MYOF: variants seen among roughly 807,000 people sequenced by gnomAD.
MYOF encodes fer-1-like 3, myoferlin.
MYOF carries 244 observed loss-of-function variants against 284.2 expected under a neutral mutation model. The observed-to-expected ratio is 0.86, with a 90% CI of 0.77 to 0.95. MYOF has a LOEUF of 0.95. MYOF is among the 40% of genes least tolerant of loss of function. The probability of loss-of-function intolerance (pLI) is 0.00; values close to 1 mark genes in which losing one functional copy is unlikely to be tolerated. For synonymous variants in MYOF, 904 were observed against 919.7 expected (o/e 0.98, Z 0.31); for missense variants, 2,496 against 2,560.6 (o/e 0.97, Z 0.54).
chr10:93,380,849 C>T (rs971291372), intron 20 of MYOF, among the ~76,000 whole-genome samples: 1 of 152,112 alleles, frequency 6.6e-6, no homozygotes, highest in African/African-American at 2.4e-5. Flanking sequence ...ATCCAGAGTC[C>T]CATTCATTTT....
intron 51 of MYOF, among the ~76,000 whole-genome samples, chr10:93,310,881 G>A (rs574827415): frequency 1.3e-5 from 2 of 152,028 alleles, no homozygotes; most frequent in Admixed American, 6.6e-5. Flanking sequence ...TTCATTTTCT[G>A]TATCCCCCTC....
chr10:93,443,570 T>G (rs1214374377), intron 3 of MYOF, among the ~76,000 whole-genome samples: 1 of 151,638 alleles, frequency 6.6e-6, no homozygotes, highest in Admixed American at 6.6e-5. Context: ...ATCTCTAGAC[T>G]CCCACCTGCA....
chr10:93,482,087 A>G lies in MYOF; in HGVS notation c.88+20T>C. On this transcript the variant is annotated intron_variant, in intron 1 of 53. Transcript: ENST00000359263. ...CATTCCAAAACAGGACTTCAGAAAA[A>G]GAAGAAAACTTTTTCTTACCCTTAA... 8 of 1,605,904 alleles carry G rather than the reference A, an allele frequency of 5.0e-6. No homozygotes were observed. The highest frequency in any genetic ancestry group is 6.8e-6 in the Non-Finnish European group (8 of 1,172,744).
At chr10:93,336,222 T>C (rs1403744651) in intron 40 of MYOF, among the ~76,000 whole-genome samples, 176 bp from the exon 41 acceptor site, 1 of 152,212 alleles carries the variant, frequency 6.6e-6, no homozygotes, top group South Asian at 2.1e-4. Flanking sequence ...GGTAGTTTCT[T>C]TTGGAGTTAA....
intron 46 of MYOF, among the ~76,000 whole-genome samples, chr10:93,325,043 G>A (rs1391955720): frequency 2.0e-5 from 3 of 152,162 alleles, no homozygotes; most frequent in Non-Finnish European, 4.4e-5. Context: ...CTCCCAAAGT[G>A]TTGGGATTAT....
chr10:93,351,373 G>T, intron 34 of MYOF, 40 bp downstream of exon 34: 1 of 1,610,778 alleles, frequency 6.2e-7, no homozygotes, highest in South Asian at 1.1e-5. Flanking sequence ...TGCATTTTAA[G>T]CAGCTGACAG....
chr10:93,459,270 G>T (rs2056820655), intron 1 of MYOF, among the ~76,000 whole-genome samples: 1 of 152,082 alleles, frequency 6.6e-6, no homozygotes, highest in Non-Finnish European at 1.5e-5. Flanking sequence ...TCTGGTTACA[G>T]TATAAGAAAG....
In MYOF at chr10:93,347,771, C is replaced by A. The variant is rs1056275883; in HGVS notation, c.4095G>T (p.Lys1365Asn). ...SVLFMKVFLP[K>N]EELYMPPLVI... is the part of the protein sequence containing the mutation. ...CCAGTGGGGGCATGTACAATTCCTC[C>A]TTGGGCAAGAACTGGGGGTCACAAA... Residue 1365 changes from lysine (K) to asparagine (N), a missense_variant, in exon 37 of 54, where the codon AAG becomes AAT. Coordinates refer to ENST00000359263, the MANE Select transcript of MYOF (RefSeq NM_013451.4). 1.9e-6 allele frequency: 3 copies of A among 1,611,764 alleles called. No homozygotes were observed. Among genetic ancestry groups the A allele is most frequent in the Non-Finnish European group, 2.5e-6 (3 of 1,178,558 alleles).
chr10:93,393,766 C>T (rs574334873), intron 16 of MYOF, among the ~76,000 whole-genome samples: 1 of 152,244 alleles, frequency 6.6e-6, no homozygotes, highest in Admixed American at 6.5e-5. Flanking sequence ...CTATTAGCAC[C>T]CCTGCCCTAC....
At chr10:93,426,315 C>G (rs927584875) in intron 4 of MYOF, among the ~76,000 whole-genome samples, 157 bp from the exon 5 acceptor site, 1 of 152,078 alleles carries the variant, frequency 6.6e-6, no homozygotes, top group Non-Finnish European at 1.5e-5. Flanking sequence ...GACACAAGCT[C>G]GACTGTTCCT....
chr10:93,307,732 C>T (rs1444959873), intron 53 of MYOF, among the ~76,000 whole-genome samples: 5 of 150,984 alleles, frequency 3.3e-5, no homozygotes, highest in Middle Eastern at 3.2e-3. Context: ...TCAAGTGATT[C>T]TCCAGCCTCA....
intron 5 of MYOF, among the ~76,000 whole-genome samples, chr10:93,410,632 G>T (rs1847863124): frequency 6.6e-6 from 1 of 152,076 alleles, no homozygotes; most frequent in South Asian, 2.1e-4. Flanking sequence ...TTTTATTCAC[G>T]AGCTCTTTGA....
chr10:93,363,905 G>A (rs941055033), intron 27 of MYOF, 56 bp downstream of exon 27: 10 of 1,529,564 alleles, frequency 6.5e-6, no homozygotes, highest in African/African-American at 1.4e-5. Flanking sequence ...TGGGTTCCCC[G>A]CAGATCACGA....
At chr10:93,413,655 C>T (rs1052690462) in intron 5 of MYOF, among the ~76,000 whole-genome samples, 33 of 152,188 alleles carry the variant, frequency 2.2e-4, no homozygotes, top group African/African-American at 6.8e-4. Context: ...TGAAGGCTGT[C>T]GCAGGAAGTC....
At position 93,405,373 on chromosome 10, in the gene MYOF, T is replaced by C. The variant is rs551461639; in HGVS notation, c.730-1154A>G. Among the ~76,000 whole-genome samples the C allele has an allele frequency of 2.0e-4, 31 of 152,386 alleles. No homozygotes were observed. In the South Asian group the frequency reaches 4.8e-3, roughly 23 times the overall value. ...AGAATCATACGTTGCATTTCGTTTTTGAGTCTCTTCAGCTTCCAAAAGGAA... is the reference window on the plus strand; with the variant it reads ...AGAATCATACGTTGCATTTCGTTTTCGAGTCTCTTCAGCTTCCAAAAGGAA... On this transcript the variant is annotated intron_variant, in intron 7 of 53. Coordinates refer to ENST00000359263, the MANE Select transcript of MYOF (RefSeq NM_013451.4).
In MYOF at chr10:93,335,968, C is replaced by G; in HGVS notation, c.4516G>C (p.Gly1506Arg). The change falls in exon 41 of 54, where the codon GGC (glycine) becomes CGC (arginine). Residue 1506 changes from glycine (G) to arginine (R), a missense_variant. This residue lies in a region of MYOF where 2,436 missense variants were observed against 2,480.7 expected (regional missense o/e 0.98). Transcript: ENST00000359263. ...GGATCTTCATTTTCATCCGACTTGCCTCGGTACAACTTGAACGTATCTGAG... is the reference window on the plus strand; with the variant it reads ...GGATCTTCATTTTCATCCGACTTGCGTCGGTACAACTTGAACGTATCTGAG... Reference protein sequence around the residue: ...DFSDTFKLYRGKSDENEDPSV... With the variant: ...DFSDTFKLYRRKSDENEDPSV... 6.2e-7 allele frequency: 1 copy of G among 1,614,194 alleles called. No individual in the cohort carries two copies. Among genetic ancestry groups the G allele is most frequent in the Non-Finnish European group, 8.5e-7 (1 of 1,180,042 alleles).
intron 3 of MYOF, among the ~76,000 whole-genome samples, chr10:93,440,868 C>T (rs1173030803): frequency 6.6e-6 from 1 of 152,194 alleles, no homozygotes; most frequent in Non-Finnish European, 1.5e-5. Flanking sequence ...TATTTAATCA[C>T]AAGATCTTAA....
At chr10:93,459,670 C>T (rs2056830086) in intron 1 of MYOF, among the ~76,000 whole-genome samples, 4 of 152,260 alleles carry the variant, frequency 2.6e-5, no homozygotes, top group South Asian at 4.1e-4. Context: ...ATGGGCTTGG[C>T]GTCTTGGAAA....
intron 1 of MYOF, among the ~76,000 whole-genome samples, chr10:93,462,738 CAA>C (rs199830883): frequency 2.4e-4 from 28 of 116,632 alleles, no homozygotes; most frequent in Non-Finnish European, 1.7e-4. Context: ...ACACATCAGG[CAA>C]AAAAAAAAAA....
Sources: allele counts gnomAD v4.1 joint callset (sites outside exome capture counted in the v4.1 genomes callset), GRCh38; gene constraint gnomAD v4.1.1; regional missense constraint gnomAD v4.1.1; transcripts MANE v1.5; gene names NCBI Gene and HGNC (gene_info 2026-07-23, HGNC 2026-07-21).